Variants in UST observed in about 807,000 individuals in gnomAD.
The protein encoded by UST is uronyl 2-sulfotransferase.
A neutral mutation model predicts 45.6 loss-of-function variants in UST; 21 were observed. The ratio of observed to expected loss-of-function variants is 0.46; its 90% CI spans 0.33 to 0.66. The LOEUF is 0.66. Ranked by LOEUF, UST falls within the 30% of genes least tolerant of loss-of-function variation. The pLI is 0.02. For synonymous variants in UST, 215 were observed against 200.6 expected, an observed-to-expected ratio of 1.07 and a Z score of -0.61; for missense variants, 463 against 512.4, an observed-to-expected ratio of 0.90 and a Z score of 0.93.
chr6:148,768,808 G>A (rs949334663), intron 1 of UST, among the ~76,000 whole-genome samples: 1 of 152,220 alleles, frequency 6.6e-6, no homozygotes, highest in Non-Finnish European at 1.5e-5. Context: ...TTTTGGCAGT[G>A]GGAGTGCTTC....
Position 148,818,623 on chromosome 6 carries a change from A to G in UST, c.248-68363A>G, listed in dbSNP as rs545230947. Among the ~76,000 whole-genome samples, 187 of 152,320 alleles carry G rather than the reference A, an allele frequency of 1.2e-3. 1 individual carries two copies. Among genetic ancestry groups the G allele is most frequent in the African/African-American group, 3.8e-3 (158 of 41,584 alleles). ...GGCTTTTAACCCTGGGGCAAATTCT[A>G]TGATGGTAAGGAAATTTTAGGCTGG... On this transcript the variant is annotated intron_variant, in intron 1 of 7. Transcript: ENST00000367463.
At chr6:148,913,150 C>G (rs1009043960) in intron 2 of UST, among the ~76,000 whole-genome samples, 1 of 152,086 alleles carries the variant, frequency 6.6e-6, no homozygotes, top group African/African-American at 2.4e-5. Context: ...TTTTATGGGC[C>G]CCTCAGCTTG....
At chr6:148,982,566 T>C (rs1781160667) in intron 5 of UST, among the ~76,000 whole-genome samples, 1 of 152,214 alleles carries the variant, frequency 6.6e-6, no homozygotes, top group Admixed American at 6.5e-5. Flanking sequence ...TCAGCAAAGT[T>C]AATTGTTGCT....
At chr6:148,893,078 C>T (rs761348773) in intron 2 of UST, among the ~76,000 whole-genome samples, 19 of 152,108 alleles carry the variant, frequency 1.2e-4, no homozygotes, top group Non-Finnish European at 2.6e-4. Context: ...ACCTAAAAAA[C>T]TAAAAGTGGG....
intron 5 of UST, chr6:149,005,255 C>T (rs1273136331): frequency 2.2e-5 from 22 of 979,288 alleles, no homozygotes; most frequent in Admixed American, 6.2e-5. Flanking sequence ...TGTATGTTGA[C>T]GTTTCCTTTT....
At chr6:148,899,653 G>C (rs2114861805) in intron 2 of UST, among the ~76,000 whole-genome samples, 1 of 152,320 alleles carries the variant, frequency 6.6e-6, no homozygotes, top group Middle Eastern at 3.4e-3. Context: ...GTCCTTGTAT[G>C]TTTAATCAAA....
chr6:148,786,216 CT>C (rs1367570057), intron 1 of UST, among the ~76,000 whole-genome samples: 6 of 151,662 alleles, frequency 4.0e-5, no homozygotes, highest in African/African-American at 1.5e-4. Context: ...ACTATTATTT[CT>C]TTTTTTAAAT....
At chr6:148,801,427 G>C (rs1373001155) in intron 1 of UST, among the ~76,000 whole-genome samples, 2 of 152,144 alleles carry the variant, frequency 1.3e-5, no homozygotes, top group African/African-American at 4.8e-5. Context: ...TGGTAGGGTA[G>C]ATTTTCACAA....
chr6:148,845,606 G>C (rs1777971334), intron 1 of UST, among the ~76,000 whole-genome samples: 1 of 152,120 alleles, frequency 6.6e-6, no homozygotes, highest in African/African-American at 2.4e-5. Flanking sequence ...AAATCTTTTT[G>C]AGGACATATG....
chr6:148,894,971 T>G (rs955115542), intron 2 of UST, among the ~76,000 whole-genome samples: 3 of 151,754 alleles, frequency 2.0e-5, no homozygotes, highest in African/African-American at 7.3e-5. Flanking sequence ...GTGTGCACCA[T>G]CATGCCTGGC....
At chr6:148,868,121 A>C (rs1236363299) in intron 1 of UST, among the ~76,000 whole-genome samples, 1 of 152,140 alleles carries the variant, frequency 6.6e-6, no homozygotes, top group Non-Finnish European at 1.5e-5. Context: ...TCCTTAGACA[A>C]AAGCTCTGTC....
At chr6:148,778,333 G>A (rs551023234) in intron 1 of UST, among the ~76,000 whole-genome samples, 1 of 152,214 alleles carries the variant, frequency 6.6e-6, no homozygotes, top group South Asian at 2.1e-4. Context: ...GAAGCAAGAT[G>A]TGGAGATTTT....
At position 148,807,756 on chromosome 6, in the gene UST, T is replaced by C. The variant is rs564840243; in HGVS notation, c.247+60079T>C. On this transcript the variant is annotated intron_variant, in intron 1 of 7. Coordinates refer to ENST00000367463, the MANE Select transcript of UST (RefSeq NM_005715.3). ...TGGGAAATCATGATAGGGTGGCCTG[T>C]AACCAGCTTGGGATGTGTCTAGTAC... Among the ~76,000 whole-genome samples the C allele has an allele frequency of 7.2e-5, 11 of 152,270 alleles. No individual in the cohort carries two copies. The East Asian group carries it at 2.1e-3, about 29-fold the overall frequency.
chr6:149,009,667 A>C (rs977339408), intron 5 of UST, among the ~76,000 whole-genome samples: 1 of 152,206 alleles, frequency 6.6e-6, no homozygotes, highest in African/African-American at 2.4e-5. Flanking sequence ...CAAAGCAAAA[A>C]GTTACTTGAG....
At chr6:148,863,191 C>A (rs1239449969) in intron 1 of UST, among the ~76,000 whole-genome samples, 1 of 152,108 alleles carries the variant, frequency 6.6e-6, no homozygotes, top group Non-Finnish European at 1.5e-5. Context: ...AGGCTTTGTT[C>A]GTTTATTTTT....
chr6:148,761,382 A>T (rs1271430488), intron 1 of UST, among the ~76,000 whole-genome samples: 4 of 152,230 alleles, frequency 2.6e-5, no homozygotes, highest in Non-Finnish European at 5.9e-5. Flanking sequence ...CTTAGAATGC[A>T]GTGTCTTGCC....
intron 6 of UST, among the ~76,000 whole-genome samples, chr6:149,019,922 C>T (rs899844074): frequency 2.0e-5 from 3 of 152,164 alleles, no homozygotes; most frequent in African/African-American, 7.2e-5. Context: ...ATGCTTCTGG[C>T]GTAGCTATAG....
At chr6:148,957,200 CCT>C (rs930125362) in intron 4 of UST, among the ~76,000 whole-genome samples, 1 of 152,212 alleles carries the variant, frequency 6.6e-6, no homozygotes, top group African/African-American at 2.4e-5. Flanking sequence ...GCAACCTCTT[CCT>C]CTCTTCACAC....
chr6:148,984,695 G>A (rs1205112006), intron 5 of UST, among the ~76,000 whole-genome samples: 7 of 152,094 alleles, frequency 4.6e-5, no homozygotes, highest in African/African-American at 7.2e-5. Flanking sequence ...CTACCCTAGC[G>A]AATGGGGCCT....
Sources: allele counts gnomAD v4.1 joint callset (sites outside exome capture counted in the v4.1 genomes callset), GRCh38; gene constraint gnomAD v4.1.1; transcripts MANE v1.5; gene names NCBI Gene and HGNC (gene_info 2026-07-23, HGNC 2026-07-21).